The following RFTN1 variants were observed in gnomAD, a reference collection of about 807,000 sequenced individuals.
RFTN1 encodes raftlin, lipid raft linker 1.
RFTN1 carries 26 observed loss-of-function variants against 46.5 expected under a neutral mutation model. That is an observed-to-expected ratio of 0.56 (90% CI 0.41 to 0.78). The LOEUF (loss-of-function observed/expected upper bound fraction) is 0.78, where lower values mean the gene tolerates loss of function less well. RFTN1 is among the 30% of genes least tolerant of loss of function. The pLI is 0.00. For missense variants in RFTN1, 693 were observed against 718.7 expected (o/e 0.96, Z 0.41); for synonymous variants, 261 against 284.2 (o/e 0.92, Z 0.82).
At chr3:16,445,912 T>C (rs1484246769) in intron 2 of RFTN1, among the ~76,000 whole-genome samples, 1 of 152,044 alleles carries the variant, frequency 6.6e-6, no homozygotes, top group Non-Finnish European at 1.5e-5. Context: ...CTACAAATTG[T>C]TCATTGAAGT....
intron 2 of RFTN1, among the ~76,000 whole-genome samples, chr3:16,444,441 T>G (rs867047429): frequency 2.0e-5 from 3 of 152,188 alleles, no homozygotes; most frequent in South Asian, 4.1e-4. Flanking sequence ...TCCTCCCACA[T>G]CCCAAAGATG....
rs1240961272 is a variant in RFTN1, at chr3:16,380,340, C to A, written c.442-2238G>T. On this transcript the variant is annotated intron_variant, in intron 4 of 9. Transcript: ENST00000334133. The surrounding 1 kb of genome is among the most constrained non-coding windows in gnomAD (Gnocchi z 4.8). ...TGGGGCACAAAGACGGTATCTCTAA[C>A]CTCTCTCCTTATCAGTCCTGGGCTT... Among the ~76,000 whole-genome samples, 1 of 152,196 alleles carries A rather than the reference C, an allele frequency of 6.6e-6. No individual in the cohort carries two copies.
intron 2 of RFTN1, among the ~76,000 whole-genome samples, chr3:16,493,174 C>T (rs552602578): frequency 6.6e-6 from 1 of 152,176 alleles, no homozygotes; most frequent in African/African-American, 2.4e-5. Context: ...CAAATTCAGC[C>T]TATCCATATG....
rs2076500091 is a variant in RFTN1 at position 16,489,138 on chromosome 3, C to A, written c.145+4587G>T. Among the ~76,000 whole-genome samples the A allele has an allele frequency of 6.6e-6, 1 of 152,130 alleles. No individual in the cohort carries two copies. The highest frequency in any genetic ancestry group is 1.5e-5 in the Non-Finnish European group (1 of 68,028). On this transcript the variant is annotated intron_variant, in intron 2 of 9. Transcript: ENST00000334133. The surrounding 1 kb of genome is among the most constrained non-coding windows in gnomAD (Gnocchi z 4.0). Reference sequence around the variant, plus strand: ...TGGGAAATAAAATCAGTGATGGAGGCCGGGTGAGGTGGCTCACACCTGTAA... The same window carrying A: ...TGGGAAATAAAATCAGTGATGGAGGACGGGTGAGGTGGCTCACACCTGTAA...
intron 2 of RFTN1, among the ~76,000 whole-genome samples, chr3:16,472,752 A>G (rs578032352): frequency 6.6e-6 from 1 of 152,326 alleles, no homozygotes; most frequent in East Asian, 1.9e-4. Flanking sequence ...ACACATGATG[A>G]TCTTCACAGG....
intron 5 of RFTN1, among the ~76,000 whole-genome samples, chr3:16,377,090 T>C (rs1392078867): frequency 6.6e-6 from 1 of 152,024 alleles, no homozygotes; most frequent in East Asian, 1.9e-4. Context: ...GTTGATTTCC[T>C]GAAGAAAGTA....
intron 2 of RFTN1, among the ~76,000 whole-genome samples, chr3:16,482,352 C>T (rs1575353929): frequency 6.6e-6 from 1 of 152,226 alleles, no homozygotes; most frequent in Non-Finnish European, 1.5e-5. Context: ...CAATGCTCAA[C>T]CACTCAGTCT....
chr3:16,454,107 C>A (rs1241525210), intron 2 of RFTN1, among the ~76,000 whole-genome samples: 1 of 152,222 alleles, frequency 6.6e-6, no homozygotes, highest in Non-Finnish European at 1.5e-5. Context: ...AAGGCTGCCA[C>A]TGTAACCAGG....
rs1467649169 is a variant in RFTN1, at chr3:16,442,500, G to A, written c.146-8463C>T. 1.3e-5 allele frequency among the ~76,000 whole-genome samples: 2 copies of A among 152,080 alleles called. No individual in the cohort carries two copies. Among genetic ancestry groups the A allele is most frequent in the Non-Finnish European group, 2.9e-5 (2 of 68,010 alleles). On this transcript the variant is annotated intron_variant, in intron 2 of 9. Coordinates refer to ENST00000334133, the MANE Select transcript of RFTN1 (RefSeq NM_015150.2). The surrounding 1 kb of genome is among the most constrained non-coding windows in gnomAD (Gnocchi z 4.1). The stretch of plus-strand genomic sequence containing the variant: ...AAGGTGTACAACATGATGCCTCAAT[G>A]TATATATACTTAGTTCAAATGATTA...
At chr3:16,379,683 A>G in intron 4 of RFTN1, among the ~76,000 whole-genome samples, 1 of 152,146 alleles carries the variant, frequency 6.6e-6, no homozygotes, top group Middle Eastern at 3.2e-3. Flanking sequence ...AGTTGGCTCA[A>G]TTCACTCTTC....
rs554802183 is a variant in RFTN1 at position 16,342,103 on chromosome 3, T to C, written c.1147-15227A>G. 6.6e-6 allele frequency among the ~76,000 whole-genome samples: 1 copy of C among 152,220 alleles called. No homozygotes were observed. The highest frequency in any genetic ancestry group is 1.5e-5 in the Non-Finnish European group (1 of 68,048). On this transcript the variant is annotated intron_variant, in intron 7 of 9. Transcript: ENST00000334133. This position sits in a 1 kb window ranked among gnomAD's most constrained non-coding sequence, Gnocchi z 4.0. ...AAGCAAACAATTCAGTGGTTTATAA[T>C]ATATTCAGAGTTATACAACCATCAC...
In RFTN1 at chr3:16,385,281, C is replaced by A. The variant is rs773712366; in HGVS notation, c.442-7179G>T. Among the ~76,000 whole-genome samples, 1 of 152,184 alleles carries A rather than the reference C, an allele frequency of 6.6e-6. No individual in the cohort carries two copies. Among genetic ancestry groups the A allele is most frequent in the Non-Finnish European group, 1.5e-5 (1 of 68,044 alleles). The stretch of plus-strand genomic sequence containing the variant: ...TCTGAAAAGGGAGGCTCAAAAATAA[C>A]ACGGGTTTGAGCTCACATCTGAAGC... On this transcript the variant is annotated intron_variant, in intron 4 of 9. Transcript: ENST00000334133. This position sits in a 1 kb window ranked among gnomAD's most constrained non-coding sequence, Gnocchi z 5.0.
At chr3:16,399,411 A>T (rs2074550588) in intron 4 of RFTN1, among the ~76,000 whole-genome samples, 1 of 152,170 alleles carries the variant, frequency 6.6e-6, no homozygotes, top group South Asian at 2.1e-4. Flanking sequence ...GCTTCTGTGG[A>T]GGTTGCCAGT....
Position 16,342,972 on chromosome 3 carries a change from C to T in RFTN1, c.1146+14960G>A, listed in dbSNP as rs2071411051. The stretch of plus-strand genomic sequence containing the variant: ...CTCCCACTACAGCCCCTCTGAGTCG[C>T]TGGGAATACAGGCACACACCACCAT... On this transcript the variant is annotated intron_variant, in intron 7 of 9. Transcript: ENST00000334133. The surrounding 1 kb of genome is among the most constrained non-coding windows in gnomAD (Gnocchi z 4.0). 6.6e-6 allele frequency among the ~76,000 whole-genome samples: 1 copy of T among 152,140 alleles called. No homozygotes were observed. Among genetic ancestry groups the T allele is most frequent in the South Asian group, 2.1e-4 (1 of 4,822 alleles).
rs763998743 is a variant in RFTN1, at chr3:16,356,832, A to G, written c.1146+1100T>C. ...ATTCAGAAAGCAGTTCTCTATGTCC[A>G]TGGCTGGGCACGGTGGCTCACGCTG... On this transcript the variant is annotated intron_variant, in intron 7 of 9. Transcript: ENST00000334133. This position sits in a 1 kb window ranked among gnomAD's most constrained non-coding sequence, Gnocchi z 4.9. 6.6e-6 allele frequency among the ~76,000 whole-genome samples: 1 copy of G among 152,204 alleles called. No homozygotes were observed. Among genetic ancestry groups the G allele is most frequent in the African/African-American group, 2.4e-5 (1 of 41,446 alleles).
chr3:16,412,999 T>C (rs1483435868), intron 3 of RFTN1, among the ~76,000 whole-genome samples: 1 of 152,250 alleles, frequency 6.6e-6, no homozygotes, highest in Non-Finnish European at 1.5e-5. Context: ...GATAAAATTC[T>C]GAAGCAAAGA....
chr3:16,510,849 T>C (rs976843343), intron 1 of RFTN1, among the ~76,000 whole-genome samples: 1 of 152,012 alleles, frequency 6.6e-6, no homozygotes, highest in African/African-American at 2.4e-5. Flanking sequence ...TTGTTCACAA[T>C]AACCAAAGAA....
chr3:16,373,782 T>C (rs1370570037), intron 5 of RFTN1, among the ~76,000 whole-genome samples: 2 of 151,964 alleles, frequency 1.3e-5, no homozygotes, highest in Non-Finnish European at 2.9e-5. Flanking sequence ...CCAAGCTGGG[T>C]GGGGACTGCA....
At chr3:16,403,058 A>G (rs540003266) in intron 4 of RFTN1, among the ~76,000 whole-genome samples, 2 of 152,326 alleles carry the variant, frequency 1.3e-5, no homozygotes, top group South Asian at 4.1e-4. Context: ...TTCCATCAGC[A>G]GAACCTGGGC....
Sources: gnomAD v4.1 joint callset for allele counts (sites outside exome capture counted in the v4.1 genomes callset) on GRCh38, gnomAD v4.1.1 for gene constraint, Gnocchi (gnomAD v3.1) non-coding constraint, MANE v1.5 for transcripts, NCBI Gene and HGNC (gene_info 2026-07-23, HGNC 2026-07-21) for gene names.